BET1: variants seen among roughly 807,000 people sequenced by gnomAD.
BET1 encodes the protein Bet1 golgi vesicular membrane trafficking protein.
A neutral mutation model predicts 13.9 loss-of-function variants in BET1; 9 were observed. The ratio of observed to expected loss-of-function variants is 0.65; its 90% CI spans 0.39 to 1.13. The LOEUF is 1.13. Ranked by LOEUF, BET1 falls within the 50% of genes most tolerant of loss-of-function variation. BET1 has a pLI of 0.01. For synonymous variants in BET1, 39 were observed against 47.3 expected, an observed-to-expected ratio of 0.82 and a Z score of 0.72; for missense variants, 127 against 133.6, an observed-to-expected ratio of 0.95 and a Z score of 0.24.
At chr7:93,989,790 GCTCT>G (rs1280296295), downstream of BET1, among the ~76,000 whole-genome samples, 8 of 152,148 alleles carry the variant, frequency 5.3e-5, no homozygotes, top group Admixed American at 2.0e-4. Context: ...GGTTTAAAAT[GCTCT>G]CTGTGTGAAT....
intron 1 of BET1, among the ~76,000 whole-genome samples, chr7:93,999,920 C>A (rs1270199373): frequency 6.6e-6 from 1 of 152,146 alleles, no homozygotes; most frequent in African/African-American, 2.4e-5. Context: ...ATCAGATCCA[C>A]TGTTCTTTCT....
intron 1 of BET1, among the ~76,000 whole-genome samples, chr7:93,999,921 T>C (rs1236347266): frequency 1.3e-5 from 2 of 152,198 alleles, no homozygotes; most frequent in Non-Finnish European, 2.9e-5. Context: ...TCAGATCCAC[T>C]GTTCTTTCTA....
chr7:93,985,086 C>T (rs1233539360), intron 4 of BET1, among the ~76,000 whole-genome samples: 1 of 152,138 alleles, frequency 6.6e-6, no homozygotes, highest in Non-Finnish European at 1.5e-5. Flanking sequence ...CCCATTCTCT[C>T]ACCTCTATAT....
At chr7:93,993,112 A>C, downstream of BET1, 1 of 981,832 alleles carries the variant, frequency 1.0e-6, no homozygotes, top group Non-Finnish European at 1.2e-6. Context: ...AAATAGAGTC[A>C]AGATTTGCTT....
intron 4 of BET1, among the ~76,000 whole-genome samples, chr7:93,977,002 TTA>T (rs1185454482): frequency 1.3e-5 from 2 of 152,170 alleles, no homozygotes; most frequent in Non-Finnish European, 2.9e-5. Context: ...GCGAATGCCC[TTA>T]TTTTGTTCCC....
intron 4 of BET1, among the ~76,000 whole-genome samples, chr7:93,984,376 A>G (rs557613353): frequency 6.6e-6 from 1 of 152,294 alleles, no homozygotes; most frequent in African/African-American, 2.4e-5. Flanking sequence ...ATGAATCTTT[A>G]GGAACTATTA....
At chr7:93,989,383 T>C (rs1317354933), downstream of BET1, among the ~76,000 whole-genome samples, 1 of 152,194 alleles carries the variant, frequency 6.6e-6, no homozygotes, top group Non-Finnish European at 1.5e-5. Flanking sequence ...AATAGATTTG[T>C]AGTTTCTTTT....
intron 1 of BET1, among the ~76,000 whole-genome samples, chr7:94,003,742 T>A (rs1381159227): frequency 2.0e-5 from 3 of 152,214 alleles, no homozygotes; most frequent in Admixed American, 2.0e-4. Flanking sequence ...CATTTACCTT[T>A]GTAACTCACT....
At position 93,994,338 on chromosome 7, in the gene BET1, G is replaced by T. The variant is rs1795712116; in HGVS notation, c.249C>A (p.Gly83=). 6.2e-7 allele frequency: 1 copy of T among 1,613,588 alleles called. No individual in the cohort carries two copies. Among genetic ancestry groups the T allele is most frequent in the East Asian group, 2.2e-5 (1 of 44,822 alleles). The part of the protein sequence containing the change: ...STTGFLGKTM[G]KLKILSRGSQ... Reference sequence around the variant, plus strand: ...TCCCTCTGGATAAAATCTTCAGTTTGCCCATAGTTTTACCTAGAAATCCAG... The same window carrying T: ...TCCCTCTGGATAAAATCTTCAGTTTTCCCATAGTTTTACCTAGAAATCCAG... The change falls in exon 4 of 4, where the codon GGC becomes GGA. Residue 83 remains glycine (G), a synonymous_variant. Transcript: ENST00000222547.
chr7:93,983,544 A>G (rs759098492), intron 4 of BET1, among the ~76,000 whole-genome samples: 50 of 152,200 alleles, frequency 3.3e-4, no homozygotes, highest in African/African-American at 1.2e-3. Context: ...AAAAAATTTT[A>G]GGACCAAATT....
At chr7:94,002,844 C>T (rs538786288) in intron 1 of BET1, among the ~76,000 whole-genome samples, 53 of 152,330 alleles carry the variant, frequency 3.5e-4, no homozygotes, top group Admixed American at 2.6e-3. Flanking sequence ...CTCCATTATT[C>T]AAGGTCTACT....
chr7:93,997,498 T>C (rs1406193256), intron 2 of BET1, among the ~76,000 whole-genome samples: 2 of 152,218 alleles, frequency 1.3e-5, no homozygotes, highest in African/African-American at 2.4e-5. Flanking sequence ...CTTCCAAGTG[T>C]TGTATTTTTA....
At chr7:93,981,661 G>A (rs146770739) in intron 4 of BET1, among the ~76,000 whole-genome samples, 9 of 152,160 alleles carry the variant, frequency 5.9e-5, no homozygotes, top group Non-Finnish European at 1.3e-4. Flanking sequence ...TTCAAGTAAT[G>A]TATCAGCTGG....
chr7:93,966,808 C>T (rs888658685), intron 6 of BET1, among the ~76,000 whole-genome samples: 2 of 151,720 alleles, frequency 1.3e-5, no homozygotes, highest in African/African-American at 4.8e-5. Flanking sequence ...ATCCTTGGAC[C>T]ACTGAATCAA....
chr7:93,965,282 G>A (rs938898014), exon 7 of BET1: 5 of 151,888 alleles, frequency 3.3e-5, no homozygotes, highest in Non-Finnish European at 5.9e-5. Context: ...GCTCATTCTA[G>A]ACTAGTTTCT....
intron 5 of BET1, among the ~76,000 whole-genome samples, chr7:93,973,639 C>T (rs1335072088): frequency 6.6e-6 from 1 of 152,000 alleles, no homozygotes; most frequent in Admixed American, 6.6e-5. Flanking sequence ...GGCGAGAACA[C>T]AGAAAGACAG....
In BET1 at chr7:93,993,547, C is replaced by A; in HGVS notation, c.*683G>T. On this transcript the variant is annotated 3_prime_UTR_variant, in exon 4 of 4. Transcript: ENST00000222547. ...GTAAAAATCATAAAACTATTATAAG[C>A]CAAGTCAAGAGAATTCATAAAGTTA... 9.8e-7 allele frequency: 1 copy of A among 1,023,122 alleles called. No homozygotes were observed. The highest frequency in any genetic ancestry group is 1.2e-6 in the Non-Finnish European group (1 of 851,936). The allele number at this position is 1,023,122 out of a possible 1,614,324, so 63.4% of individuals were successfully genotyped here. A position where few individuals can be genotyped will look rare whatever the true frequency, so the allele number is the denominator to read the frequency against.
intron 4 of BET1, among the ~76,000 whole-genome samples, chr7:93,984,452 T>C (rs143621057): frequency 2.1e-4 from 32 of 152,304 alleles, no homozygotes; most frequent in Admixed American, 2.1e-3. Context: ...ACTGTTACAA[T>C]GTCATTCTGC....
In BET1 at chr7:93,993,288, C is replaced by T. The variant is rs943082264; in HGVS notation, c.*942G>A. The T allele has an allele frequency of 2.1e-6, 2 of 931,472 alleles. No individual in the cohort carries two copies. Among genetic ancestry groups the T allele is most frequent in the African/African-American group, 3.6e-5 (2 of 56,030 alleles). 57.7% of individuals were successfully genotyped at this position (931,472 alleles called of 1,614,324 possible). On this transcript the variant is annotated 3_prime_UTR_variant, in exon 4 of 4. Coordinates refer to ENST00000222547, the MANE Select transcript of BET1 (RefSeq NM_005868.6). Reference sequence around the variant, plus strand: ...TTTATTTAAAAATTTACTTTTGAAGCCTATAAATGGATAAATTCCAAAATA... The same window carrying T: ...TTTATTTAAAAATTTACTTTTGAAGTCTATAAATGGATAAATTCCAAAATA...
Sources: allele counts gnomAD v4.1 joint callset (sites outside exome capture counted in the v4.1 genomes callset), GRCh38; gene constraint gnomAD v4.1.1; transcripts MANE v1.5; gene names NCBI Gene and HGNC (gene_info 2026-07-23, HGNC 2026-07-21).